The following WNK1 variants were observed in gnomAD, a reference collection of about 807,000 sequenced individuals.
The protein encoded by WNK1 is WNK lysine deficient protein kinase 1.
WNK1 carries 38 observed loss-of-function variants against 222.8 expected under a neutral mutation model. The observed-to-expected ratio is 0.17, with a 90% CI of 0.13 to 0.22. WNK1 has a LOEUF of 0.22. Ranked by LOEUF, WNK1 falls within the 10% of genes least tolerant of loss-of-function variation. WNK1 has a pLI of 1.00. For synonymous variants in WNK1, 1,090 were observed against 1,092.9 expected (o/e 1.00, Z 0.05); for missense variants, 2,348 against 2,918.4 (o/e 0.80, Z 4.50).
intron 25 of WNK1, 67 bp from the exon 26 acceptor site, chr12:900,409 A>C: frequency 6.4e-7 from 1 of 1,566,492 alleles, no homozygotes. Flanking sequence ...AATGTATAAG[A>C]ACAGTGCCTG....
intron 23 of WNK1, 114 bp from the exon 24 acceptor site, chr12:895,957 A>G: frequency 7.2e-7 from 1 of 1,388,332 alleles, no homozygotes; most frequent in South Asian, 1.2e-5. Context: ...AGAGACAATC[A>G]GCCTACTCTT....
intron 4 of WNK1, among the ~76,000 whole-genome samples, chr12:856,769 A>G (rs953298317): frequency 6.6e-6 from 1 of 152,254 alleles, no homozygotes; most frequent in Non-Finnish European, 1.5e-5. Flanking sequence ...ACATGGGTTC[A>G]GTGTTCAAAA....
At chr12:898,482 CAAAA>C (rs374726378) in intron 25 of WNK1, among the ~76,000 whole-genome samples, 3 of 76,804 alleles carry the variant, frequency 3.9e-5, no homozygotes, top group Admixed American at 1.5e-4. Flanking sequence ...GACTCTGTCT[CAAAA>C]AAAAAAAAAA....
intron 4 of WNK1, among the ~76,000 whole-genome samples, chr12:831,123 A>G (rs1003742255): frequency 1.3e-5 from 2 of 152,216 alleles, no homozygotes; most frequent in African/African-American, 4.8e-5. Context: ...TTAACAATGT[A>G]AAAATAATTT....
At chr12:798,230 C>T (rs532435278) in intron 1 of WNK1, among the ~76,000 whole-genome samples, 9 of 149,846 alleles carry the variant, frequency 6.0e-5, no homozygotes, top group South Asian at 2.1e-4. Context: ...CTGGCTCTGT[C>T]GCCCAGGCTG....
intron 1 of WNK1, among the ~76,000 whole-genome samples, chr12:809,589 A>T (rs1455301049): frequency 6.6e-6 from 1 of 152,184 alleles, no homozygotes; most frequent in African/African-American, 2.4e-5. Context: ...TTTAACAGTT[A>T]AGAATTTTTG....
chr12:798,866 T>G (rs139088684), intron 1 of WNK1, among the ~76,000 whole-genome samples: 2 of 152,324 alleles, frequency 1.3e-5, no homozygotes, highest in East Asian at 3.9e-4. Flanking sequence ...TTTTGGAAAC[T>G]TCTCTTAATT....
Position 908,767 on chromosome 12 carries a change from C to G in WNK1, c.7124C>G (p.Pro2375Arg). ...TTGCAGAAATCCATCAGCAACCCCC[C>G]AGGCTCCAACCTGCGGACCACTTAG... ...SNLQKSISNPPGSNLRTT is the reference protein window; with the variant it reads ...SNLQKSISNPRGSNLRTT The change falls in exon 28 of 28, where the codon CCA becomes CGA. Residue 2375 changes from proline to arginine, a missense_variant. Around this residue, in one of 13 missense-constraint regions of WNK1, gnomAD observed 76 missense variants for 85.7 expected, o/e 0.89. Transcript: ENST00000315939. 6.2e-7 allele frequency: 1 copy of G among 1,612,478 alleles called. No homozygotes were observed. Among genetic ancestry groups the G allele is most frequent in the Non-Finnish European group, 8.5e-7 (1 of 1,179,842 alleles).
chr12:890,333 T>A (rs1479143797), intron 21 of WNK1, 120 bp from the exon 22 acceptor site: 9 of 955,298 alleles, frequency 9.4e-6, no homozygotes, highest in Non-Finnish European at 1.5e-5. Context: ...CAGACATAAG[T>A]GTTTCATCAC....
chr12:856,448 C>T (rs954207053), intron 4 of WNK1, among the ~76,000 whole-genome samples: 8 of 137,998 alleles, frequency 5.8e-5, no homozygotes, highest in Non-Finnish European at 9.7e-5. Context: ...AGCAAGACTC[C>T]ATCTCGAGGG....
chr12:856,013 T>C (rs558936711), intron 4 of WNK1, among the ~76,000 whole-genome samples: 1 of 151,974 alleles, frequency 6.6e-6, no homozygotes, highest in East Asian at 2.0e-4. Flanking sequence ...CTAATTTTTG[T>C]ATTTTTAGTA....
chr12:863,582 A>G (rs1294455413), intron 8 of WNK1, among the ~76,000 whole-genome samples: 2 of 151,658 alleles, frequency 1.3e-5, no homozygotes, highest in African/African-American at 2.4e-5. Context: ...TCTCTTGTCT[A>G]TACTCATCAT....
In WNK1 at chr12:883,403, T is replaced by C; in HGVS notation, c.3498T>C (p.Asn1166=). The C allele has an allele frequency of 1.9e-6, 3 of 1,614,188 alleles. No individual in the cohort carries two copies. Among genetic ancestry groups the C allele is most frequent in the Non-Finnish European group, 2.5e-6 (3 of 1,180,024 alleles). ...PEEIATIMVN[N]DFILAIERES... ...TCACATTTCTTTTACAGGTGAACAA[T>C]GACTTTATTCTAGCAATAGAGAGAG... Residue 1166 remains asparagine, a synonymous_variant, in exon 16 of 28, where the codon AAT becomes AAC. Transcript: ENST00000315939.
At chr12:843,510 A>T (rs539472189) in intron 4 of WNK1, among the ~76,000 whole-genome samples, 1 of 152,356 alleles carries the variant, frequency 6.6e-6, no homozygotes, top group South Asian at 2.1e-4. Flanking sequence ...TGCAAATCTA[A>T]TGTCTAGTCT....
In WNK1 at chr12:862,179, A is replaced by G. The variant is rs1286832459; in HGVS notation, c.2048A>G (p.Gln683Arg). 1 of 1,614,158 alleles carries G rather than the reference A, an allele frequency of 6.2e-7. No homozygotes were observed. Among genetic ancestry groups the G allele is most frequent in the Non-Finnish European group, 8.5e-7 (1 of 1,180,018 alleles). The change falls in exon 8 of 28, where the codon CAG becomes CGG. Residue 683 changes from glutamine to arginine, a missense_variant. Coordinates refer to ENST00000315939, the MANE Select transcript of WNK1 (RefSeq NM_018979.4). Reference sequence around the variant, plus strand: ...GTTTCATATGGTTCCCAACATGAACAGGCACATTCTACAGGCACAGTCCCA... The same window carrying G: ...GTTTCATATGGTTCCCAACATGAACGGGCACATTCTACAGGCACAGTCCCA... The part of the protein sequence containing the change: ...QTVSYGSQHE[Q>R]AHSTGTVPGH...
intron 1 of WNK1, among the ~76,000 whole-genome samples, chr12:803,573 A>G (rs1404294456): frequency 2.0e-5 from 3 of 152,128 alleles, no homozygotes; most frequent in African/African-American, 7.2e-5. Context: ...ACCTGAGGTC[A>G]GGAGTTCGAG....
At chr12:825,501 A>G (rs79768849) in intron 2 of WNK1, among the ~76,000 whole-genome samples, 6,366 of 152,254 alleles carry the variant, frequency 0.042, 344 homozygotes, top group African/African-American at 0.12. Context: ...CTTGTTCTGT[A>G]TGCTGTAATT....
intron 1 of WNK1, among the ~76,000 whole-genome samples, chr12:785,218 A>G (rs1464968645): frequency 2.0e-5 from 3 of 152,010 alleles, no homozygotes; most frequent in African/African-American, 4.8e-5. Context: ...GTGCCTTGGT[A>G]TGGGTCTCTT....
At chr12:838,426 T>A (rs1949368155) in intron 4 of WNK1, among the ~76,000 whole-genome samples, 1 of 152,068 alleles carries the variant, frequency 6.6e-6, no homozygotes. Context: ...ATTATTATTA[T>A]TATTTTGAGA....
Sources: allele counts gnomAD v4.1 joint callset (sites outside exome capture counted in the v4.1 genomes callset), GRCh38; gene constraint gnomAD v4.1.1; regional missense constraint gnomAD v4.1.1; transcripts MANE v1.5; gene names NCBI Gene and HGNC (gene_info 2026-07-23, HGNC 2026-07-21).